Variants in QTMAN observed in about 807,000 individuals in gnomAD.
QTMAN encodes tRNA-queuosine alpha-mannosyltransferase.
the QTMAN span, chr2:144,208,830 T>G: frequency 1.5e-6 from 2 of 1,371,348 alleles, no homozygotes; most frequent in Non-Finnish European, 2.0e-6. Flanking sequence ...AAAATGTATA[T>G]TTTTTCCATT....
At chr2:143,939,164 ATAAG>A in the QTMAN span, 1 of 152,202 alleles carries the variant, frequency 6.6e-6, no homozygotes, top group East Asian at 1.9e-4. Context: ...CTTCTGTAAA[ATAAG>A]TAAGGTGAAA....
chr2:144,170,572 A>T, the QTMAN span, among the ~76,000 whole-genome samples: 1 of 152,262 alleles, frequency 6.6e-6, no homozygotes, highest in Admixed American at 6.5e-5. Flanking sequence ...GGGAGATATT[A>T]TCTGTAGTAT....
chr2:144,047,983 T>C, the QTMAN span, among the ~76,000 whole-genome samples: 1 of 152,338 alleles, frequency 6.6e-6, no homozygotes, highest in South Asian at 2.1e-4. Context: ...CACTGAGTCT[T>C]TGAAGAAAGA....
the QTMAN span, among the ~76,000 whole-genome samples, chr2:144,111,181 C>A: frequency 6.6e-6 from 1 of 152,130 alleles, no homozygotes; most frequent in Non-Finnish European, 1.5e-5. Context: ...CCACGGCAGG[C>A]CCATGGAGAG....
chr2:143,980,578 A>G, the QTMAN span, among the ~76,000 whole-genome samples: 5 of 152,126 alleles, frequency 3.3e-5, no homozygotes, highest in Non-Finnish European at 7.4e-5. Context: ...TATTTGTGTA[A>G]TCAGATGAAT....
At chr2:144,012,487 G>C in the QTMAN span, among the ~76,000 whole-genome samples, 1 of 152,122 alleles carries the variant, frequency 6.6e-6, no homozygotes, top group South Asian at 2.1e-4. Context: ...ACTTGCAGTT[G>C]ACTCACAGAG....
chr2:144,105,230 C>T, the QTMAN span, among the ~76,000 whole-genome samples: 1 of 152,196 alleles, frequency 6.6e-6, no homozygotes, highest in South Asian at 2.1e-4. Flanking sequence ...AGCTCCTCGC[C>T]AGCAACAGAG....
the QTMAN span, among the ~76,000 whole-genome samples, chr2:144,154,822 C>G: frequency 6.6e-6 from 1 of 152,214 alleles, no homozygotes; most frequent in Non-Finnish European, 1.5e-5. Flanking sequence ...TGGCAGCTAT[C>G]ACTCTGGATT....
chr2:144,204,106 A>G, the QTMAN span, among the ~76,000 whole-genome samples: 2 of 152,204 alleles, frequency 1.3e-5, no homozygotes, highest in East Asian at 1.9e-4. Flanking sequence ...CATGTCTAAA[A>G]CACCAAAAGC....
At chr2:144,280,451 CA>C in the QTMAN span, among the ~76,000 whole-genome samples, 1 of 152,076 alleles carries the variant, frequency 6.6e-6, no homozygotes, top group Non-Finnish European at 1.5e-5. Flanking sequence ...TTCCATTAAA[CA>C]AAAGGCAGTG....
the QTMAN span, chr2:144,145,509 CG>C: frequency 1.6e-6 from 2 of 1,229,332 alleles, no homozygotes; most frequent in Non-Finnish European, 2.3e-6. Context: ...AGATTTAAAA[CG>C]TAACCACCTA....
the QTMAN span, among the ~76,000 whole-genome samples, chr2:144,236,068 T>C: frequency 6.6e-6 from 1 of 151,922 alleles, no homozygotes; most frequent in African/African-American, 2.4e-5. Context: ...GAATGATATA[T>C]GTAAAATTTG....
At chr2:144,058,481 G>C in the QTMAN span, among the ~76,000 whole-genome samples, 1 of 151,970 alleles carries the variant, frequency 6.6e-6, no homozygotes, top group Non-Finnish European at 1.5e-5. Context: ...ATATCACTAG[G>C]TCTATTAATA....
the QTMAN span, among the ~76,000 whole-genome samples, chr2:144,324,764 T>C: frequency 6.6e-6 from 1 of 151,944 alleles, no homozygotes; most frequent in East Asian, 1.9e-4. Context: ...AAGAGCCATG[T>C]TTTCAGGTGC....
At chr2:144,256,694 C>A in the QTMAN span, among the ~76,000 whole-genome samples, 2 of 151,846 alleles carry the variant, frequency 1.3e-5, no homozygotes, top group Admixed American at 6.6e-5. Context: ...ACACAGGGGC[C>A]CATCGGCGGG....
At chr2:143,969,759 T>G in the QTMAN span, among the ~76,000 whole-genome samples, 1 of 152,018 alleles carries the variant, frequency 6.6e-6, no homozygotes, top group East Asian at 1.9e-4. Flanking sequence ...TTAGGAGAAC[T>G]GGGAAAAGGT....
At chr2:144,252,476 T>C in the QTMAN span, among the ~76,000 whole-genome samples, 1 of 152,102 alleles carries the variant, frequency 6.6e-6, no homozygotes, top group Non-Finnish European at 1.5e-5. Flanking sequence ...AATAAGCATA[T>C]GAAAAGATGC....
At chr2:144,247,169 C>T in the QTMAN span, among the ~76,000 whole-genome samples, 1 of 152,076 alleles carries the variant, frequency 6.6e-6, no homozygotes, top group African/African-American at 2.4e-5. Flanking sequence ...CCAGAAGAGG[C>T]AGGTCTAGAG....
At chr2:144,313,373 T>C in the QTMAN span, among the ~76,000 whole-genome samples, 382 of 152,314 alleles carry the variant, frequency 2.5e-3, 1 homozygote, top group Non-Finnish European at 4.2e-3. Flanking sequence ...AAACAAACAA[T>C]TCCTAGTCAT....
Sources: gnomAD v4.1 joint callset for allele counts (sites outside exome capture counted in the v4.1 genomes callset) on GRCh38, gnomAD v4.1.1 for gene constraint, MANE v1.5 for transcripts, NCBI Gene and HGNC (gene_info 2026-07-23, HGNC 2026-07-21) for gene names.